GPR151: variants seen among roughly 807,000 people sequenced by gnomAD.
GPR151 encodes the protein G-protein coupled receptor PGR7.
In GPR151, 16 loss-of-function variants were observed where a neutral mutation model predicts 18.2. The ratio of observed to expected loss-of-function variants is 0.88; its 90% CI spans 0.60 to 1.34. GPR151 has a LOEUF of 1.34. Among genes scored for constraint, GPR151 ranks in the 40% most tolerant of loss-of-function variants. GPR151 has a pLI of 0.00. For missense variants in GPR151, 509 were observed against 504.3 expected (o/e 1.01, Z -0.09); for synonymous variants, 202 against 191.2 (o/e 1.06, Z -0.47).
chr5:146,514,694 C>A lies in GPR151; in HGVS notation c.*160G>T. On this transcript the variant is annotated 3_prime_UTR_variant, in exon 1 of 1. Coordinates refer to ENST00000311104, the MANE Select transcript of GPR151 (RefSeq NM_194251.3). ...AACAATTATTACTTCTAACATGGTT[C>A]TCTACTTACCACATTGCACATTTGG... 1.8e-6 allele frequency: 1 copy of A among 560,504 alleles called. No individual in the cohort carries two copies. The highest frequency in any genetic ancestry group is 3.1e-6 in the Non-Finnish European group (1 of 326,038). The allele number at this position is 560,504 out of a possible 1,614,324, so 34.7% of individuals were successfully genotyped here.
chr5:146,514,032 A>T lies in GPR151; in HGVS notation c.*822T>A, dbSNP rs1263166629. The T allele has an allele frequency of 6.6e-6, 1 of 152,202 alleles. No homozygotes were observed. Among genetic ancestry groups the T allele is most frequent in the Non-Finnish European group, 1.5e-5 (1 of 68,024 alleles). 9.4% of individuals were successfully genotyped at this position (152,202 alleles called of 1,614,324 possible). A position where few individuals can be genotyped will look rare whatever the true frequency, so the allele number is the denominator to read the frequency against. On this transcript the variant is annotated 3_prime_UTR_variant, in exon 1 of 1. Coordinates refer to ENST00000311104, the MANE Select transcript of GPR151 (RefSeq NM_194251.3). ...GGAACACATTTCTGCTTATAGAAAA[A>T]TAACTTTCCCACATTTTGGAAGTGA...
In GPR151 at chr5:146,515,978, C is replaced by T; in HGVS notation, c.136G>A (p.Val46Ile). 1 of 1,614,096 alleles carries T rather than the reference C, an allele frequency of 6.2e-7. No individual in the cohort carries two copies. The highest frequency in any genetic ancestry group is 8.5e-7 in the Non-Finnish European group (1 of 1,180,030). ...RTIIPALLVA[V>I]CLVGFVGNLC... ...TTTCCCACGAAGCCCACCAGGCAGA[C>T]AGCCACCAAGAGAGCCGGGATGATG... The change falls in exon 1 of 1, where the codon GTC (valine) becomes ATC (isoleucine). Residue 46 changes from valine (V) to isoleucine (I), a missense_variant. By Grantham distance (29) the Val-to-Ile change is conservative. Coordinates refer to ENST00000311104, the MANE Select transcript of GPR151 (RefSeq NM_194251.3).
In GPR151 at chr5:146,515,004, A is replaced by T. The variant is rs1768579829; in HGVS notation, c.1110T>A (p.Ser370=). ...CTGCCTTCTCAGTTTTCCCTTTGCCAGAGGAGGGAGAGCTGGGTTTCTCTT... is the reference window on the plus strand; with the variant it reads ...CTGCCTTCTCAGTTTTCCCTTTGCCTGAGGAGGGAGAGCTGGGTTTCTCTT... ...PEKEKPSSPS[S]GKGKTEKAEI... Residue 370 remains serine (S), a synonymous_variant, in exon 1 of 1, where the codon TCT becomes TCA. Coordinates refer to ENST00000311104, the MANE Select transcript of GPR151 (RefSeq NM_194251.3). 1.2e-6 allele frequency: 2 copies of T among 1,614,142 alleles called. No homozygotes were observed. Among genetic ancestry groups the T allele is most frequent in the Non-Finnish European group, 1.7e-6 (2 of 1,180,034 alleles).
chr5:146,515,110 G>A lies in GPR151; in HGVS notation c.1004C>T (p.Ser335Phe), dbSNP rs776312077. ...TGAGTTGCCAGCTGGTGTTTCCTGA[G>A]ACTCTGAGACAGTTGGAGGTTTTTT... ...ITKKPPTVSESQETPAGNSEG... is the reference protein window; with the variant it reads ...ITKKPPTVSEFQETPAGNSEG... The change falls in exon 1 of 1, where the codon TCT becomes TTT. Residue 335 changes from serine (S) to phenylalanine (F), a missense_variant. Ser to Phe is a radical substitution (Grantham distance 155, BLOSUM62 -2). Transcript: ENST00000311104. 11 of 1,614,120 alleles carry A rather than the reference G, an allele frequency of 6.8e-6. No individual in the cohort carries two copies. The Middle Eastern group carries it at 9.9e-4, about 145-fold the overall frequency.
rs140449635 is a variant in GPR151 at position 146,515,817 on chromosome 5, G to T, written c.297C>A (p.Tyr99Ter). The change falls in exon 1 of 1, where the codon TAC becomes TAA. Residue 99 changes from tyrosine to a stop codon, truncating the protein, a stop_gained. Coordinates refer to ENST00000311104, the MANE Select transcript of GPR151 (RefSeq NM_194251.3). LOFTEE classifies it high-confidence loss of function. The stretch of plus-strand genomic sequence containing the variant: ...AGCCTAGATCCCAAACACTTTTGGA[G>T]TACGCCGTAGCTCGGATAGGTGCAG... Reference protein sequence around the residue: ...LFSAPIRATAYSKSVWDLGWF... With the variant: ...LFSAPIRATA The T allele has an allele frequency of 1.3e-3, 2,160 of 1,614,218 alleles. 38 individuals are homozygous for T. The South Asian group carries it at 0.02, about 15-fold the overall frequency.
At position 146,516,124 on chromosome 5, in the gene GPR151, A is replaced by G. The variant is rs371646930; in HGVS notation, c.-11T>C. On this transcript the variant is annotated 5_prime_UTR_variant, in exon 1 of 1. Transcript: ENST00000311104. The stretch of plus-strand genomic sequence containing the variant: ...GGCAGCTGCCAGCATCACTCTTCAC[A>G]GCTTCTTACAGAAGTTAGATTCTTA... The G allele has an allele frequency of 6.3e-7, 1 of 1,590,642 alleles. No homozygotes were observed. Among genetic ancestry groups the G allele is most frequent in the Non-Finnish European group, 8.5e-7 (1 of 1,170,050 alleles).
chr5:146,515,672 T>A lies in GPR151; in HGVS notation c.442A>T (p.Ser148Cys). 6.2e-7 allele frequency: 1 copy of A among 1,614,124 alleles called. No individual in the cohort carries two copies. Among genetic ancestry groups the A allele is most frequent in the Non-Finnish European group, 8.5e-7 (1 of 1,180,018 alleles). The change falls in exon 1 of 1, where the codon AGT becomes TGT. Residue 148 changes from serine (S) to cysteine (C), a missense_variant. Physicochemically the swap from Ser to Cys is moderately radical, Grantham distance 112. Coordinates refer to ENST00000311104, the MANE Select transcript of GPR151 (RefSeq NM_194251.3). ...GACCAGATGGTGTAGTTGTGGATAC[T>A]CACTTGCTTGGCTGGGTCACTTGCA... is the stretch of plus-strand genomic sequence containing the variant. ...MYASDPAKQV[S>C]IHNYTIWSVL...
rs1379705911 is a variant in GPR151, at chr5:146,514,740, T to C, written c.*114A>G. Reference sequence around the variant, plus strand: ...TTTGGAAAGTGTAGATTGTGAAATATTTTTATAATTCCTAATGGTAATAAT... The same window carrying C: ...TTTGGAAAGTGTAGATTGTGAAATACTTTTATAATTCCTAATGGTAATAAT... On this transcript the variant is annotated 3_prime_UTR_variant, in exon 1 of 1. Transcript: ENST00000311104. The C allele has an allele frequency of 4.4e-6, 3 of 688,994 alleles. No homozygotes were observed. Among genetic ancestry groups the C allele is most frequent in the African/African-American group, 3.6e-5 (2 of 55,504 alleles). 42.7% of individuals were successfully genotyped at this position (688,994 alleles called of 1,614,324 possible). A position where few individuals can be genotyped will look rare whatever the true frequency, so the allele number is the denominator to read the frequency against.
In GPR151 at chr5:146,515,078, G is replaced by T. The variant is rs1239341763; in HGVS notation, c.1036C>A (p.Leu346Ile). ...QETPAGNSEGLPDKVPSPESP... is the reference protein window; with the variant it reads ...QETPAGNSEGIPDKVPSPESP... ...TCTGGAGATGGAACCTTGTCAGGAA[G>T]ACCCTCTGAGTTGCCAGCTGGTGTT... is the stretch of plus-strand genomic sequence containing the variant. Residue 346 changes from leucine to isoleucine, a missense_variant, in exon 1 of 1, where the codon CTT becomes ATT. Transcript: ENST00000311104. 2 of 1,614,182 alleles carry T rather than the reference G, an allele frequency of 1.2e-6. No homozygotes were observed. The highest frequency in any genetic ancestry group is 3.3e-5 in the Admixed American group (2 of 60,032).
At position 146,513,615 on chromosome 5, in the gene GPR151, T is replaced by A. The variant is rs992818757; in HGVS notation, c.*1239A>T. 1.3e-5 allele frequency: 2 copies of A among 152,004 alleles called. No homozygotes were observed. The highest frequency in any genetic ancestry group is 1.3e-4 in the Admixed American group (2 of 15,268). 9.4% of individuals were successfully genotyped at this position (152,004 alleles called of 1,614,324 possible). Reference sequence around the variant, plus strand: ...TAAAAGGGGCAGAAATATATCATAATCATGTTTTATTGGGTATGTTTTACC... The same window carrying A: ...TAAAAGGGGCAGAAATATATCATAAACATGTTTTATTGGGTATGTTTTACC... On this transcript the variant is annotated 3_prime_UTR_variant, in exon 1 of 1. Coordinates refer to ENST00000311104, the MANE Select transcript of GPR151 (RefSeq NM_194251.3).
rs149871406 is a variant in GPR151 at position 146,515,009 on chromosome 5, A to T, written c.1105T>A (p.Ser369Thr). 52 of 1,614,010 alleles carry T rather than the reference A, an allele frequency of 3.2e-5. No individual in the cohort carries two copies. Among genetic ancestry groups the T allele is most frequent in the Non-Finnish European group, 4.1e-5 (48 of 1,180,032 alleles). Residue 369 changes from serine (S) to threonine (T), a missense_variant, in exon 1 of 1, where the codon TCC (serine) becomes ACC (threonine). By Grantham distance (58) the Ser-to-Thr change is moderately conservative. Coordinates refer to ENST00000311104, the MANE Select transcript of GPR151 (RefSeq NM_194251.3). ...IPEKEKPSSP[S>T]SGKGKTEKAE... is the part of the protein sequence containing the mutation. ...TTCTCAGTTTTCCCTTTGCCAGAGG[A>T]GGGAGAGCTGGGTTTCTCTTTTTCT...
chr5:146,514,694 C>G lies in GPR151; in HGVS notation c.*160G>C, dbSNP rs1006179849. On this transcript the variant is annotated 3_prime_UTR_variant, in exon 1 of 1. Coordinates refer to ENST00000311104, the MANE Select transcript of GPR151 (RefSeq NM_194251.3). ...AACAATTATTACTTCTAACATGGTT[C>G]TCTACTTACCACATTGCACATTTGG... 1.8e-6 allele frequency: 1 copy of G among 560,504 alleles called. No homozygotes were observed. The highest frequency in any genetic ancestry group is 3.1e-6 in the Non-Finnish European group (1 of 326,038). 34.7% of individuals were successfully genotyped at this position (560,504 alleles called of 1,614,324 possible). A position where few individuals can be genotyped will look rare whatever the true frequency, so the allele number is the denominator to read the frequency against.
In GPR151 at chr5:146,514,856, A is replaced by G. The variant is rs759067277; in HGVS notation, c.1258T>C (p.Ter420GlnextTer2). 1 of 1,574,424 alleles carries G rather than the reference A, an allele frequency of 6.4e-7. No individual in the cohort carries two copies. Among genetic ancestry groups the G allele is most frequent in the Non-Finnish European group, 8.6e-7 (1 of 1,160,672 alleles). Residue 420 changes from the stop codon to glutamine, a stop_lost, in exon 1 of 1, where the codon TAG (stop) becomes CAG (glutamine). Transcript: ENST00000311104. The stretch of plus-strand genomic sequence containing the variant: ...TTGTTTTGCTTTGAAACTTAAATCT[A>G]TTTAACACCTTCCCCTGTCTCTTGA... The part of the protein sequence containing the change: ...EDQETGEGVK[*>Q]
rs777396345 is a variant in GPR151 at position 146,516,043 on chromosome 5, GC to G, written c.70del (p.Ala24ProfsTer34). 1.1e-5 allele frequency: 18 copies of G among 1,613,974 alleles called. No individual in the cohort carries two copies. The highest frequency in any genetic ancestry group is 1.4e-5 in the Non-Finnish European group (17 of 1,180,034). ...GGAATCAGAGGGCAGGTACCCTCCG[GC>G]AAAGTGGAGGTGAGCAAAGGACACA... ...MNVSFAHLHF[A>X]GGYLPSDSQD... On this transcript the variant is annotated frameshift_variant, in exon 1 of 1. Transcript: ENST00000311104. LOFTEE classifies it high-confidence loss of function.
In GPR151 at chr5:146,515,559, T is replaced by C; in HGVS notation, c.555A>G (p.Glu185=). ...CAGCTGGTACATCCACGAGGCACAT[T>C]TCCACACCTTCATGATGCCTGATGG... ...FSTIRHHEGV[E]MCLVDVPAVA... Residue 185 remains glutamate, a synonymous_variant, in exon 1 of 1, where the codon GAA becomes GAG. Coordinates refer to ENST00000311104, the MANE Select transcript of GPR151 (RefSeq NM_194251.3). 6.2e-7 allele frequency: 1 copy of C among 1,614,156 alleles called. No homozygotes were observed. Among genetic ancestry groups the C allele is most frequent in the South Asian group, 1.1e-5 (1 of 91,064 alleles).
In GPR151 at chr5:146,514,982, C is replaced by T; in HGVS notation, c.1132G>A (p.Ala378Thr). ...PSSGKGKTEK[A>T]EIPILPDVEQ... ...ACGTCAGGAAGGATGGGAATCTCTG[C>T]CTTCTCAGTTTTCCCTTTGCCAGAG... The change falls in exon 1 of 1, where the codon GCA (alanine) becomes ACA (threonine). Residue 378 changes from alanine to threonine, a missense_variant. Ala to Thr is a moderately conservative substitution (Grantham distance 58). Transcript: ENST00000311104. The T allele has an allele frequency of 6.2e-7, 1 of 1,614,154 alleles. No individual in the cohort carries two copies. The highest frequency in any genetic ancestry group is 8.5e-7 in the Non-Finnish European group (1 of 1,180,008).
In GPR151 at chr5:146,515,186, A is replaced by C. The variant is rs747807741; in HGVS notation, c.928T>G (p.Ser310Ala). The change falls in exon 1 of 1, where the codon TCG (serine) becomes GCG (alanine). Residue 310 changes from serine (S) to alanine (A), a missense_variant. Physicochemically the swap from Ser to Ala is moderately conservative, Grantham distance 99. Coordinates refer to ENST00000311104, the MANE Select transcript of GPR151 (RefSeq NM_194251.3). ...SANPLIFLVM[S>A]EEFREGLKGV... ...TTCAAGCCTTCCCTGAACTCTTCCG[A>C]CATCACAAGAAAAATGAGAGGATTT... 3 of 1,614,112 alleles carry C rather than the reference A, an allele frequency of 1.9e-6. No individual in the cohort carries two copies. In the South Asian group the frequency reaches 3.3e-5, roughly 18 times the overall value.
rs1554105642 is a variant in GPR151, at chr5:146,516,086, T to TAG, written c.26_27dup (p.Asn10LeufsTer6). ...AAGGACACATTCATGCTGCTGGAGT[T>TAG]AGAGTCTGCAAAGGCAGCTGCCAGC... On this transcript the variant is annotated frameshift_variant, in exon 1 of 1. Transcript: ENST00000311104. LOFTEE classifies it high-confidence loss of function. The TAG allele has an allele frequency of 6.2e-7, 1 of 1,612,744 alleles. No homozygotes were observed. The highest frequency in any genetic ancestry group is 2.2e-5 in the East Asian group (1 of 44,866).
Position 146,515,126 on chromosome 5 carries a change from G to A in GPR151, c.988C>T (p.Pro330Ser). ...VWKWMITKKP[P>S]TVSESQETPA... ...GTTTCCTGAGACTCTGAGACAGTTG[G>A]AGGTTTTTTGGTTATCATCCATTTC... Residue 330 changes from proline to serine, a missense_variant, in exon 1 of 1, where the codon CCA becomes TCA. Pro to Ser is a moderately conservative substitution (Grantham distance 74, BLOSUM62 -1). Transcript: ENST00000311104. 1 of 1,614,142 alleles carries A rather than the reference G, an allele frequency of 6.2e-7. No homozygotes were observed. Among genetic ancestry groups the A allele is most frequent in the Non-Finnish European group, 8.5e-7 (1 of 1,180,014 alleles).
Sources: allele counts gnomAD v4.1 joint callset, GRCh38; gene constraint gnomAD v4.1.1; transcripts MANE v1.5; gene names NCBI Gene and HGNC (gene_info 2026-07-23, HGNC 2026-07-21).